The following ZFPM1 variants were observed in gnomAD, a reference collection of about 807,000 sequenced individuals.
ZFPM1 encodes zinc finger protein, FOG family member 1.
A neutral mutation model predicts 46.3 loss-of-function variants in ZFPM1; 28 were observed. The observed-to-expected ratio is 0.60, with a 90% CI of 0.45 to 0.83. The LOEUF (loss-of-function observed/expected upper bound fraction) is 0.83. Ranked by LOEUF, ZFPM1 falls within the 40% of genes least tolerant of loss-of-function variation. The probability of loss-of-function intolerance (pLI) is 0.00; values close to 1 mark genes in which losing one functional copy is unlikely to be tolerated. For synonymous variants in ZFPM1, 957 were observed against 675.9 expected (o/e 1.42, Z -6.45); for missense variants, 1,878 against 1,432.4 (o/e 1.31, Z -5.02).
chr16:88,490,851 C>A (rs1909525341), intron 3 of ZFPM1, among the ~76,000 whole-genome samples: 1 of 152,196 alleles, frequency 6.6e-6, no homozygotes, highest in African/African-American at 2.4e-5. Context: ...GACCGGGCAT[C>A]CAGCACAGCA....
At chr16:88,494,834 C>T (rs1478965471) in intron 3 of ZFPM1, among the ~76,000 whole-genome samples, 5 of 152,238 alleles carry the variant, frequency 3.3e-5, no homozygotes, top group South Asian at 4.1e-4. Context: ...GAAGGGACCT[C>T]GGGTGGAGGC....
chr16:88,523,032 C>G (rs180879373), intron 4 of ZFPM1, among the ~76,000 whole-genome samples: 232 of 152,238 alleles, frequency 1.5e-3, no homozygotes, highest in African/African-American at 5.3e-3. Flanking sequence ...ATAGTGAAAC[C>G]CCGTCCCTAC....
In ZFPM1 at chr16:88,534,731, C is replaced by T; in HGVS notation, c.2773C>T (p.Pro925Ser). 3 of 982,770 alleles carry T rather than the reference C, an allele frequency of 3.1e-6. No individual in the cohort carries two copies. The South Asian group carries it at 1.4e-4, about 45-fold the overall frequency. 60.9% of individuals were successfully genotyped at this position (982,770 alleles called of 1,614,324 possible). The change falls in exon 10 of 10, where the codon CCC (proline) becomes TCC (serine). Residue 925 changes from proline to serine, a missense_variant. Pro to Ser is a moderately conservative substitution (Grantham distance 74). Coordinates refer to ENST00000319555, the MANE Select transcript of ZFPM1 (RefSeq NM_153813.3). ...RGPRDGLGPE[P>S]QEPPPGPPPS... ...CCCCCGGGACGGCCTCGGCCCGGAG[C>T]CCCAGGAGCCGCCGCCCGGCCCGCC...
Position 88,534,903 on chromosome 16 carries a change from A to T in ZFPM1, c.2945A>T (p.Lys982Met). 1 of 1,564,232 alleles carries T rather than the reference A, an allele frequency of 6.4e-7. No homozygotes were observed. Among genetic ancestry groups the T allele is most frequent in the South Asian group, 1.2e-5 (1 of 86,412 alleles). ...NHRYCRLCNI[K>M]FSSLSTFIAH... ...CGGTACTGCCGTCTTTGCAACATCA[A>T]GTTCAGCAGCCTGTCCACCTTCATC... The change falls in exon 10 of 10, where the codon AAG becomes ATG. Residue 982 changes from lysine (K) to methionine (M), a missense_variant. Lys to Met is a moderately conservative substitution (Grantham distance 95). Coordinates refer to ENST00000319555, the MANE Select transcript of ZFPM1 (RefSeq NM_153813.3).
chr16:88,505,108 G>T lies in ZFPM1; in HGVS notation c.269-9279G>T, dbSNP rs552449080. 1.6e-3 allele frequency among the ~76,000 whole-genome samples: 246 copies of T among 152,368 alleles called. 1 individual carries two copies. Among genetic ancestry groups the T allele is most frequent in the African/African-American group, 5.8e-3 (240 of 41,592 alleles). On this transcript the variant is annotated intron_variant, in intron 3 of 9. Transcript: ENST00000319555. ...AAGACAAGTTCACAGGCACCAGCTG[G>T]CGGGTGGGCGGGGCGAGGCTGGGGG...
At chr16:88,508,396 C>T (rs982715978) in intron 3 of ZFPM1, among the ~76,000 whole-genome samples, 7 of 152,240 alleles carry the variant, frequency 4.6e-5, no homozygotes, top group African/African-American at 1.2e-4. Context: ...TTGGGAGGAT[C>T]ACATGTGAAG....
intron 4 of ZFPM1, among the ~76,000 whole-genome samples, chr16:88,517,183 T>G (rs1911358882): frequency 8.2e-5 from 1 of 12,204 alleles, no homozygotes; most frequent in Non-Finnish European, 3.1e-4. Context: ...GATGGGTAGA[T>G]GGATGGATGG....
intron 1 of ZFPM1, among the ~76,000 whole-genome samples, chr16:88,476,595 C>T (rs763212793): frequency 2.0e-5 from 3 of 151,976 alleles, no homozygotes; most frequent in South Asian, 2.1e-4. Context: ...GCTTTTGCTC[C>T]GAGATCCCCG....
chr16:88,460,059 C>G (rs1403047240), intron 1 of ZFPM1, among the ~76,000 whole-genome samples: 13 of 151,920 alleles, frequency 8.6e-5, no homozygotes, highest in Non-Finnish European at 1.6e-4. Flanking sequence ...TCCCGACTCC[C>G]CAGGCTGTGT....
chr16:88,501,157 TGATGGAGATAGCAGACATGGGTGCGG>T, intron 3 of ZFPM1, among the ~76,000 whole-genome samples: 2 of 119,438 alleles, frequency 1.7e-5, no homozygotes, highest in African/African-American at 3.2e-5. Flanking sequence ...GTGCTGGTGA[TGATGGAGATAGCAGACATGGGTGCGG>T]GGGCCCTCCC....
intron 3 of ZFPM1, among the ~76,000 whole-genome samples, chr16:88,496,103 A>C (rs1419704181): frequency 6.6e-6 from 1 of 152,076 alleles, no homozygotes; most frequent in Non-Finnish European, 1.5e-5. Context: ...CCGAAGGAGG[A>C]GGCTTCCAGA....
chr16:88,531,870 G>A (rs558532410), intron 6 of ZFPM1, 132 bp from the exon 7 acceptor site: 2 of 811,680 alleles, frequency 2.5e-6, no homozygotes, highest in Non-Finnish European at 3.9e-6. Context: ...TACAGGAAGG[G>A]GTCAAAGCCT....
chr16:88,502,099 T>C (rs1910393081), intron 3 of ZFPM1, among the ~76,000 whole-genome samples: 2 of 149,348 alleles, frequency 1.3e-5, no homozygotes, highest in Admixed American at 6.7e-5. Context: ...TATTTATTTA[T>C]TTATTTATTT....
chr16:88,532,152 A>G lies in ZFPM1; in HGVS notation c.863A>G (p.Asn288Ser), dbSNP rs780089581. 3.7e-6 allele frequency: 6 copies of G among 1,612,524 alleles called. No homozygotes were observed. In the East Asian group the frequency reaches 1.3e-4, roughly 36 times the overall value. Residue 288 changes from asparagine (N) to serine (S), a missense_variant, in exon 7 of 10, where the codon AAC becomes AGC. Asn to Ser is a conservative substitution (Grantham distance 46). Coordinates refer to ENST00000319555, the MANE Select transcript of ZFPM1 (RefSeq NM_153813.3). Reference protein sequence around the residue: ...TDEKPKETYPNERVCPFPQCR... With the variant: ...TDEKPKETYPSERVCPFPQCR... ...GAGAAGCCCAAAGAGACCTACCCCA[A>G]CGAGCGCGTCTGCCCCTTCCCCCAG...
chr16:88,534,239 G>A lies in ZFPM1; in HGVS notation c.2281G>A (p.Gly761Ser). The A allele has an allele frequency of 1.3e-6, 1 of 792,474 alleles. No homozygotes were observed. The highest frequency in any genetic ancestry group is 1.5e-6 in the Non-Finnish European group (1 of 670,762). 49.1% of individuals were successfully genotyped at this position (792,474 alleles called of 1,614,324 possible). Residue 761 changes from glycine to serine, a missense_variant, in exon 10 of 10, where the codon GGC (glycine) becomes AGC (serine). Gly to Ser is a moderately conservative substitution (Grantham distance 56). Coordinates refer to ENST00000319555, the MANE Select transcript of ZFPM1 (RefSeq NM_153813.3). ...CGGCGCCCCGCCCCCCCCGCCGCCC[G>A]GCCACGCCCCCGCGCCCGAGTCGCC... ...AAGAPPPPPP[G>S]HAPAPESPRP...
chr16:88,520,838 A>G (rs1597275168), intron 4 of ZFPM1, among the ~76,000 whole-genome samples: 1 of 15,656 alleles, frequency 6.4e-5, no homozygotes, highest in Non-Finnish European at 1.1e-4. Flanking sequence ...GATGGGAGGG[A>G]GGGAGGGAGT....
chr16:88,485,143 G>A (rs1003687281), intron 1 of ZFPM1, among the ~76,000 whole-genome samples: 5 of 152,220 alleles, frequency 3.3e-5, no homozygotes, highest in Non-Finnish European at 5.9e-5. Context: ...ACTGGCAGGT[G>A]ATGCCAGGCG....
chr16:88,455,360 A>G (rs1185959578), intron 1 of ZFPM1, among the ~76,000 whole-genome samples: 1 of 152,062 alleles, frequency 6.6e-6, no homozygotes, highest in Non-Finnish European at 1.5e-5. Context: ...ACCGCGGCCC[A>G]TCCTCGTTGC....
chr16:88,504,490 G>A (rs1370536901), intron 3 of ZFPM1, among the ~76,000 whole-genome samples: 3 of 152,052 alleles, frequency 2.0e-5, no homozygotes, highest in East Asian at 3.9e-4. Flanking sequence ...CAGAGAGGCC[G>A]CCAATCTCCC....
Sources: allele counts gnomAD v4.1 joint callset (sites outside exome capture counted in the v4.1 genomes callset), GRCh38; gene constraint gnomAD v4.1.1; transcripts MANE v1.5; gene names NCBI Gene and HGNC (gene_info 2026-07-23, HGNC 2026-07-21).